DNAJC10: variants seen among roughly 807,000 people sequenced by gnomAD.
DNAJC10 encodes the protein endoplasmic reticulum disulfide reductase DNAJC10.
Under a neutral mutation model 115.0 loss-of-function variants are expected in DNAJC10, and 101 were observed. That is an observed-to-expected ratio of 0.88 (90% CI 0.75 to 1.04). The LOEUF is 1.04. Ranked by LOEUF, DNAJC10 falls within the 50% of genes least tolerant of loss-of-function variation. The pLI is 0.00. For synonymous variants in DNAJC10, 307 were observed against 301.5 expected (o/e 1.02, Z -0.19); for missense variants, 981 against 928.8 (o/e 1.06, Z -0.73).
chr2:182,718,774 CTT>C (rs1389583561), intron 3 of DNAJC10, among the ~76,000 whole-genome samples: 1 of 152,166 alleles, frequency 6.6e-6, no homozygotes, highest in African/African-American at 2.4e-5. Flanking sequence ...TAAATTAATA[CTT>C]CACAGCAGCT....
intron 22 of DNAJC10, among the ~76,000 whole-genome samples, chr2:182,766,118 G>A (rs539480075): frequency 6.6e-6 from 1 of 152,322 alleles, no homozygotes; most frequent in Admixed American, 6.5e-5. Context: ...AGAGAATGCT[G>A]TTGGCAATCA....
chr2:182,748,002 C>G (rs1693914321), intron 14 of DNAJC10, among the ~76,000 whole-genome samples: 1 of 148,164 alleles, frequency 6.7e-6, no homozygotes, highest in Admixed American at 6.7e-5. Flanking sequence ...TGGTTTTTGT[C>G]TTTGGTTCTG....
chr2:182,760,499 G>A (rs751289085), intron 21 of DNAJC10, among the ~76,000 whole-genome samples: 4 of 152,126 alleles, frequency 2.6e-5, no homozygotes, highest in Non-Finnish European at 5.9e-5. Context: ...GTCTCTTCCT[G>A]AGGGCAAAGT....
intron 8 of DNAJC10, among the ~76,000 whole-genome samples, chr2:182,730,373 C>T (rs1162906987): frequency 4.6e-5 from 7 of 152,080 alleles, no homozygotes; most frequent in African/African-American, 1.7e-4. Flanking sequence ...GTATTTGTGG[C>T]TCAAGATGTT....
In DNAJC10 at chr2:182,760,257, C is replaced by G. The variant is rs185925089; in HGVS notation, c.2145+950C>G. On this transcript the variant is annotated intron_variant, in intron 21 of 23. Coordinates refer to ENST00000264065, the MANE Select transcript of DNAJC10 (RefSeq NM_018981.4). The stretch of plus-strand genomic sequence containing the variant: ...AAAACTCAGCTCCGATGGCACTGCT[C>G]TATTCTCTGCCCTTCTCAGTTAATC... 4.0e-3 allele frequency among the ~76,000 whole-genome samples: 608 copies of G among 152,284 alleles called. 14 individuals are homozygous for G. Among genetic ancestry groups the G allele is most frequent in the Non-Finnish European group, 1.2e-3 (84 of 67,996 alleles).
chr2:182,740,101 CAGCTT>C (rs10608203), intron 11 of DNAJC10, 193 bp from the exon 12 acceptor site: 61,466 of 1,081,786 alleles, frequency 0.057, 7,353 homozygotes, highest in African/African-American at 0.47. Flanking sequence ...ATTTAAGAAA[CAGCTT>C]AGTTATATAA....
rs1694968246 is a variant in DNAJC10, at chr2:182,787,460, T to G, written c.*10328T>G. On this transcript the variant is annotated 3_prime_UTR_variant, in exon 24 of 24. Coordinates refer to ENST00000264065, the MANE Select transcript of DNAJC10 (RefSeq NM_018981.4). The stretch of plus-strand genomic sequence containing the variant: ...CCGTAATGTACTACCAAACCGTTCA[T>G]TCATTATGACAAAACTGCCTACCAA... 1 of 152,222 alleles carries G rather than the reference T, an allele frequency of 6.6e-6. No homozygotes were observed. Among genetic ancestry groups the G allele is most frequent in the Admixed American group, 6.5e-5 (1 of 15,272 alleles). The allele number at this position is 152,222 out of a possible 1,614,324, so 9.4% of individuals were successfully genotyped here.
At chr2:182,770,101 G>A (rs879796285) in intron 22 of DNAJC10, among the ~76,000 whole-genome samples, 21 of 152,104 alleles carry the variant, frequency 1.4e-4, no homozygotes, top group Non-Finnish European at 2.5e-4. Flanking sequence ...TTTTTGTCAG[G>A]TTTGTCAAAG....
At chr2:182,747,517 A>G (rs1693899695) in intron 14 of DNAJC10, among the ~76,000 whole-genome samples, 1 of 150,726 alleles carries the variant, frequency 6.6e-6, no homozygotes, top group Non-Finnish European at 1.5e-5. Context: ...TTCACTCATG[A>G]TTTGGCTCTG....
In DNAJC10 at chr2:182,789,664, C is replaced by T. The variant is rs1022607610; in HGVS notation, c.*12532C>T. The T allele has an allele frequency of 3.3e-5, 5 of 152,288 alleles. No homozygotes were observed. The highest frequency in any genetic ancestry group is 9.6e-5 in the African/African-American group (4 of 41,562). 9.4% of individuals were successfully genotyped at this position (152,288 alleles called of 1,614,324 possible). ...ACATGGGTGTACAAATATCAGAAAC[C>T]CTGCTTTCAGTTCTTTCAGCTATAT... On this transcript the variant is annotated 3_prime_UTR_variant, in exon 24 of 24. Transcript: ENST00000264065.
chr2:182,740,439 C>G, intron 12 of DNAJC10, 51 bp downstream of exon 12: 2 of 1,472,076 alleles, frequency 1.4e-6, no homozygotes, highest in African/African-American at 2.9e-5. Flanking sequence ...CGTAACATTT[C>G]AGGTCTTAAC....
chr2:182,763,329 T>C (rs1424229850), intron 22 of DNAJC10, among the ~76,000 whole-genome samples: 3 of 152,262 alleles, frequency 2.0e-5, no homozygotes, highest in Non-Finnish European at 4.4e-5. Flanking sequence ...AAATAGATAA[T>C]TTCAAATATT....
At chr2:182,743,752 A>T (rs1372267532) in intron 14 of DNAJC10, 40 bp downstream of exon 14, 2 of 1,372,210 alleles carry the variant, frequency 1.5e-6, no homozygotes, top group Non-Finnish European at 2.0e-6. Flanking sequence ...ACTTAGCTTC[A>T]TTTTCAAATA....
intron 21 of DNAJC10, among the ~76,000 whole-genome samples, chr2:182,759,870 A>G (rs6716810): frequency 0.42 from 63,238 of 151,656 alleles, 15,953 homozygotes; most frequent in Middle Eastern, 0.57. Context: ...TCCTATGACT[A>G]TTCTGTTTTC....
chr2:182,725,889 C>A (rs185849208), intron 5 of DNAJC10, among the ~76,000 whole-genome samples: 2 of 152,050 alleles, frequency 1.3e-5, no homozygotes. Flanking sequence ...TTTTTTCATG[C>A]CTGCTAACAC....
At chr2:182,767,637 T>C (rs1694447802) in intron 22 of DNAJC10, among the ~76,000 whole-genome samples, 1 of 152,058 alleles carries the variant, frequency 6.6e-6, no homozygotes, top group Admixed American at 6.6e-5. Flanking sequence ...CAAGAATGAG[T>C]TCTCAGACAA....
chr2:182,734,966 G>C (rs943275922), intron 10 of DNAJC10, among the ~76,000 whole-genome samples: 4 of 150,958 alleles, frequency 2.6e-5, no homozygotes, highest in Admixed American at 1.3e-4. Flanking sequence ...CAATCAGCAT[G>C]TAATTAGGTT....
At chr2:182,757,464 T>TAATG (rs1694185922) in intron 18 of DNAJC10, among the ~76,000 whole-genome samples, 1 of 152,180 alleles carries the variant, frequency 6.6e-6, no homozygotes, top group Non-Finnish European at 1.5e-5. Flanking sequence ...TTAAATGAAA[T>TAATG]AAATTGTTTA....
chr2:182,742,061 G>A (rs912631579), intron 13 of DNAJC10, among the ~76,000 whole-genome samples: 1 of 151,898 alleles, frequency 6.6e-6, no homozygotes. Flanking sequence ...ATTCCCTAAA[G>A]GCTACATAGT....
Sources: allele counts gnomAD v4.1 joint callset (sites outside exome capture counted in the v4.1 genomes callset), GRCh38; gene constraint gnomAD v4.1.1; transcripts MANE v1.5; gene names NCBI Gene and HGNC (gene_info 2026-07-23, HGNC 2026-07-21).